Variants in CHL1 observed in about 807,000 individuals in gnomAD.
CHL1 encodes the protein neural cell adhesion molecule L1-like protein.
Under a neutral mutation model 141.9 loss-of-function variants are expected in CHL1, and 96 were observed. That is an observed-to-expected ratio of 0.68 (90% CI 0.57 to 0.80). The LOEUF is 0.80. Among genes scored for constraint, CHL1 ranks in the 30% least tolerant of loss-of-function variants. The pLI, the probability that CHL1 is intolerant of heterozygous loss-of-function variation, is 0.00. For synonymous variants in CHL1, 613 were observed against 502.2 expected, an observed-to-expected ratio of 1.22 and a Z score of -2.95; for missense variants, 1,820 against 1,457.2, an observed-to-expected ratio of 1.25 and a Z score of -4.05.
At chr3:281,790 C>G (rs150644546) in intron 2 of CHL1, among the ~76,000 whole-genome samples, 1 of 152,066 alleles carries the variant, frequency 6.6e-6, no homozygotes, top group African/African-American at 2.4e-5. Context: ...GAACTCCTGG[C>G]CTCAAGTGAT....
Position 406,423 on chromosome 3 carries a change from A to C in CHL1, c.*712A>C, listed in dbSNP as rs1198547870. On this transcript the variant is annotated 3_prime_UTR_variant, in exon 28 of 28. Transcript: ENST00000256509. ...CTGTTTTTTTTTTTTTTCTTGGACT[A>C]AATTCAACTGCATGGAAGCGGTGGT... 2 of 151,338 alleles carry C rather than the reference A, an allele frequency of 1.3e-5. No homozygotes were observed. The highest frequency in any genetic ancestry group is 1.5e-5 in the Non-Finnish European group (1 of 67,838). The allele number at this position is 151,338 out of a possible 1,614,324, so 9.4% of individuals were successfully genotyped here.
At chr3:377,786 T>C (rs1374025569) in intron 15 of CHL1, 32 bp from the exon 16 acceptor site, 3 of 1,558,866 alleles carry the variant, frequency 1.9e-6, no homozygotes, top group Non-Finnish European at 2.6e-6. Context: ...ATTGTTTTCC[T>C]TCTCATCATG....
At chr3:343,140 A>T in intron 8 of CHL1, 109 bp downstream of exon 8, 1 of 797,028 alleles carries the variant, frequency 1.3e-6, no homozygotes, top group Non-Finnish European at 1.9e-6. Context: ...TACTGTTATT[A>T]TGAAAAACAT....
chr3:395,616 G>A (rs975564143), intron 24 of CHL1, among the ~76,000 whole-genome samples: 6 of 152,200 alleles, frequency 3.9e-5, no homozygotes, highest in African/African-American at 1.4e-4. Context: ...GTTCAGGCAT[G>A]GAAGGATATT....
At chr3:310,661 A>C (rs575775726) in intron 2 of CHL1, among the ~76,000 whole-genome samples, 1 of 152,318 alleles carries the variant, frequency 6.6e-6, no homozygotes, top group South Asian at 2.1e-4. Context: ...CCGGTTCTGC[A>C]TATGCACAGC....
In CHL1 at chr3:341,997, T is replaced by C. The variant is rs769032843; in HGVS notation, c.594T>C (p.Ser198=). The stretch of plus-strand genomic sequence containing the variant: ...TCGCAAACGTGGAAGAAAAGGACAG[T>C]CGCAATGACTACTGTTGCTTTGCTG... ...LYFANVEEKD[S]RNDYCCFAAF... The change falls in exon 7 of 28, where the codon AGT becomes AGC. Residue 198 remains serine (S), a synonymous_variant. Transcript: ENST00000256509. The C allele has an allele frequency of 1.9e-6, 3 of 1,613,456 alleles. No individual in the cohort carries two copies. The East Asian group carries it at 6.7e-5, about 36-fold the overall frequency.
At chr3:392,496 T>C (rs1484578600) in intron 23 of CHL1, among the ~76,000 whole-genome samples, 1 of 152,242 alleles carries the variant, frequency 6.6e-6, no homozygotes, top group African/African-American at 2.4e-5. Context: ...TCAGGTCGTT[T>C]TTAATAGCAG....
intron 1 of CHL1, among the ~76,000 whole-genome samples, chr3:202,492 G>A (rs941059786): frequency 3.3e-5 from 5 of 152,244 alleles, no homozygotes; most frequent in Admixed American, 1.3e-4. Flanking sequence ...AATTAGAATC[G>A]TCTGGAGAGT....
chr3:372,710 C>A (rs985659945), intron 15 of CHL1, among the ~76,000 whole-genome samples: 3 of 151,934 alleles, frequency 2.0e-5, no homozygotes, highest in Non-Finnish European at 2.9e-5. Flanking sequence ...TTTGTTGATT[C>A]TTTCTCATCT....
At chr3:198,442 G>C (rs935592700) in intron 1 of CHL1, among the ~76,000 whole-genome samples, 1 of 152,162 alleles carries the variant, frequency 6.6e-6, no homozygotes, top group Non-Finnish European at 1.5e-5. Context: ...CGCTCTAGGC[G>C]GAGGCTCCCG....
chr3:405,772 A>G lies in CHL1; in HGVS notation c.*61A>G, dbSNP rs1044400126. 8 of 1,274,996 alleles carry G rather than the reference A, an allele frequency of 6.3e-6. No homozygotes were observed. The highest frequency in any genetic ancestry group is 9.0e-6 in the Non-Finnish European group (8 of 885,590). The allele number at this position is 1,274,996 out of a possible 1,614,324, so 79.0% of individuals were successfully genotyped here. ...CAACCTTCCATATTTATCTGTTCAA[A>G]GGAGCAAGAACTTTCATATAGGAAT... On this transcript the variant is annotated 3_prime_UTR_variant, in exon 28 of 28. Coordinates refer to ENST00000256509, the MANE Select transcript of CHL1 (RefSeq NM_006614.4).
chr3:343,536 T>A (rs943909246), intron 8 of CHL1, among the ~76,000 whole-genome samples: 1 of 152,212 alleles, frequency 6.6e-6, no homozygotes, highest in African/African-American at 2.4e-5. Context: ...ATCTTTTTAT[T>A]TAATTCTTTC....
intron 1 of CHL1, among the ~76,000 whole-genome samples, chr3:215,953 A>G (rs1339477526): frequency 6.6e-6 from 1 of 152,184 alleles, no homozygotes; most frequent in Non-Finnish European, 1.5e-5. Context: ...TCCACAAATC[A>G]GTCAGTTTCA....
intron 2 of CHL1, among the ~76,000 whole-genome samples, chr3:306,656 A>G (rs1014085794): frequency 1.1e-4 from 16 of 152,178 alleles, no homozygotes; most frequent in African/African-American, 3.9e-4. Context: ...TAACCAAAAA[A>G]TTTGTCTCAG....
At chr3:239,292 A>T (rs331900) in intron 1 of CHL1, among the ~76,000 whole-genome samples, 15,294 of 152,226 alleles carry the variant, frequency 0.1, 1,110 homozygotes, top group East Asian at 0.38. Context: ...TCTGCAAAAC[A>T]GATACTATTA....
chr3:386,981 C>CA (rs1329189834), intron 19 of CHL1, among the ~76,000 whole-genome samples: 5 of 152,008 alleles, frequency 3.3e-5, no homozygotes, highest in Admixed American at 3.3e-4. Flanking sequence ...ATACATATTT[C>CA]AAAACATGTT....
chr3:296,428 C>T (rs1698191068), intron 2 of CHL1, among the ~76,000 whole-genome samples: 1 of 99,772 alleles, frequency 1.0e-5, no homozygotes, highest in Non-Finnish European at 1.8e-5. Context: ...TCGCCTTTCT[C>T]TCATGCTTTT....
chr3:261,721 A>C (rs17015439), intron 2 of CHL1, among the ~76,000 whole-genome samples: 8,298 of 152,194 alleles, frequency 0.055, 722 homozygotes, highest in African/African-American at 0.19. Context: ...AGACTTAACA[A>C]CCAGCTCTCA....
chr3:312,960 T>A (rs370246465), intron 2 of CHL1, among the ~76,000 whole-genome samples: 2 of 152,218 alleles, frequency 1.3e-5, no homozygotes, highest in East Asian at 3.8e-4. Context: ...AGAAAAATGT[T>A]GTTTAATGAT....
Sources: allele counts gnomAD v4.1 joint callset (sites outside exome capture counted in the v4.1 genomes callset), GRCh38; gene constraint gnomAD v4.1.1; transcripts MANE v1.5; gene names NCBI Gene and HGNC (gene_info 2026-07-23, HGNC 2026-07-21).